Variants in MECOM observed in about 807,000 individuals in gnomAD.
MECOM encodes histone-lysine N-methyltransferase MECOM.
MECOM carries 13 observed loss-of-function variants against 116.3 expected under a neutral mutation model. The ratio of observed to expected loss-of-function variants is 0.11; its 90% CI spans 0.07 to 0.18. MECOM has a LOEUF of 0.18. Among genes scored for constraint, MECOM ranks in the 10% least tolerant of loss-of-function variants. MECOM has a pLI of 1.00. For missense variants in MECOM, 1,299 were observed against 1,509.0 expected, an observed-to-expected ratio of 0.86 and a Z score of 2.31; for synonymous variants, 528 against 535.2, an observed-to-expected ratio of 0.99 and a Z score of 0.19.
At chr3:169,622,828 G>A (rs983867748) in intron 1 of MECOM, among the ~76,000 whole-genome samples, 1 of 152,170 alleles carries the variant, frequency 6.6e-6, no homozygotes, top group East Asian at 1.9e-4. Flanking sequence ...AGGCGCTGGG[G>A]TCAGACTGCC....
intron 1 of MECOM, among the ~76,000 whole-genome samples, chr3:169,496,712 C>T (rs1242033899): frequency 1.3e-5 from 2 of 152,210 alleles, no homozygotes; most frequent in Non-Finnish European, 1.5e-5. Context: ...TGGACCTAAG[C>T]ATTTCCACGT....
At chr3:169,169,116 A>G (rs943696685) in intron 2 of MECOM, among the ~76,000 whole-genome samples, 5 of 152,172 alleles carry the variant, frequency 3.3e-5, no homozygotes, top group Non-Finnish European at 7.4e-5. Context: ...CTCCATAAAC[A>G]CATACTAAAT....
At chr3:169,583,424 T>C (rs912808123) in intron 1 of MECOM, among the ~76,000 whole-genome samples, 4 of 152,196 alleles carry the variant, frequency 2.6e-5, no homozygotes, top group Middle Eastern at 3.2e-3. Context: ...TCCAAACAAC[T>C]AACAAAGTGA....
chr3:169,583,767 A>AT (rs575566457), intron 1 of MECOM, among the ~76,000 whole-genome samples: 25,444 of 137,326 alleles, frequency 0.19, 2,542 homozygotes, highest in East Asian at 0.38. Flanking sequence ...CGTCTGGCTA[A>AT]TTTTTTTTTT....
chr3:169,117,895 T>C (rs1729689248), intron 7 of MECOM, among the ~76,000 whole-genome samples: 3 of 138,294 alleles, frequency 2.2e-5, no homozygotes, highest in Admixed American at 2.1e-4. Context: ...CTTTACGGGA[T>C]TGAGCCACGT....
chr3:169,497,166 G>T (rs1301165067), intron 1 of MECOM, among the ~76,000 whole-genome samples: 1 of 151,954 alleles, frequency 6.6e-6, no homozygotes. Flanking sequence ...GACTTCTCTT[G>T]ACTCCTTGCT....
chr3:169,371,058 C>T (rs895334737), intron 2 of MECOM, among the ~76,000 whole-genome samples: 3 of 152,074 alleles, frequency 2.0e-5, no homozygotes, highest in African/African-American at 7.2e-5. Context: ...GAGATGTCTG[C>T]ACTCACATAG....
chr3:169,346,049 A>G (rs963362918), intron 2 of MECOM, among the ~76,000 whole-genome samples: 1 of 152,032 alleles, frequency 6.6e-6, no homozygotes, highest in African/African-American at 2.4e-5. Flanking sequence ...ACCTCCCCCC[A>G]CTTTTAAAAG....
intron 1 of MECOM, among the ~76,000 whole-genome samples, chr3:169,415,132 A>G (rs1002079429): frequency 4.6e-5 from 7 of 152,202 alleles, no homozygotes; most frequent in Admixed American, 1.3e-4. Flanking sequence ...GCAGCCAGAG[A>G]GAAAGGTCAG....
chr3:169,659,357 C>G (rs1775948600), intron 1 of MECOM, among the ~76,000 whole-genome samples: 1 of 150,062 alleles, frequency 6.7e-6, no homozygotes, highest in Non-Finnish European at 1.5e-5. Context: ...CTTTCTGCCT[C>G]TACAGCTAAT....
chr3:169,413,625 TAAG>T (rs1737989966), intron 1 of MECOM, among the ~76,000 whole-genome samples: 2 of 152,098 alleles, frequency 1.3e-5, no homozygotes, highest in African/African-American at 4.8e-5. Context: ...CATAGCAAGC[TAAG>T]ATCCACTGGC....
chr3:169,437,846 T>C (rs1742918831), intron 1 of MECOM, among the ~76,000 whole-genome samples: 1 of 152,194 alleles, frequency 6.6e-6, no homozygotes. Flanking sequence ...TCCTAAACTT[T>C]TAGCAGAGCC....
At chr3:169,418,452 A>C (rs780642407) in intron 1 of MECOM, among the ~76,000 whole-genome samples, 6 of 152,222 alleles carry the variant, frequency 3.9e-5, no homozygotes, top group Non-Finnish European at 8.8e-5. Context: ...ACAAAAAAAC[A>C]AAATTTCAGG....
intron 1 of MECOM, among the ~76,000 whole-genome samples, chr3:169,444,254 C>T (rs59516574): frequency 3.9e-5 from 6 of 152,114 alleles, no homozygotes; most frequent in Non-Finnish European, 8.8e-5. Flanking sequence ...CCATCCTTCT[C>T]GTCACAGATT....
chr3:169,168,427 G>A (rs996361605), intron 2 of MECOM, among the ~76,000 whole-genome samples: 2 of 149,848 alleles, frequency 1.3e-5, no homozygotes, highest in Admixed American at 6.7e-5. Context: ...TCATTTGGCT[G>A]AGAGAGATGA....
In MECOM at chr3:169,398,859, G is replaced by A. The variant is rs567423433; in HGVS notation, c.38-17335C>T. The stretch of plus-strand genomic sequence containing the variant: ...AAAAAGCAGGGTGAAATGTATGTGC[G>A]GGTGGCTACTTCAGGTATGGAAGGC... On this transcript the variant is annotated intron_variant, in intron 1 of 16. Coordinates refer to ENST00000651503, the MANE Select transcript of MECOM (RefSeq NM_004991.4). 2.6e-5 allele frequency among the ~76,000 whole-genome samples: 4 copies of A among 152,192 alleles called. No homozygotes were observed. In the South Asian group the frequency reaches 8.3e-4, roughly 32 times the overall value.
intron 2 of MECOM, among the ~76,000 whole-genome samples, chr3:169,274,966 A>T (rs1432157931): frequency 1.3e-5 from 2 of 152,206 alleles, no homozygotes; most frequent in Non-Finnish European, 2.9e-5. Context: ...TTAAACCATA[A>T]AGAACCTTTA....
chr3:169,647,342 C>T (rs1774313854), intron 1 of MECOM, among the ~76,000 whole-genome samples: 1 of 152,228 alleles, frequency 6.6e-6, no homozygotes, highest in Non-Finnish European at 1.5e-5. Context: ...CGCATGAACA[C>T]TCAACAACCT....
At chr3:169,463,844 T>G (rs1021254704) in intron 1 of MECOM, 3 of 152,216 alleles carry the variant, frequency 2.0e-5, no homozygotes, top group African/African-American at 7.2e-5. Context: ...AGATATCAAG[T>G]GCAGATGCCT....
Sources: gnomAD v4.1 joint callset for allele counts (sites outside exome capture counted in the v4.1 genomes callset) on GRCh38, gnomAD v4.1.1 for gene constraint, MANE v1.5 for transcripts, NCBI Gene and HGNC (gene_info 2026-07-23, HGNC 2026-07-21) for gene names.